LRRC4C: variants seen among roughly 807,000 people sequenced by gnomAD.
LRRC4C encodes the protein leucine-rich repeat-containing protein 4C.
In LRRC4C, 5 loss-of-function variants were observed where a neutral mutation model predicts 33.6. The ratio of observed to expected loss-of-function variants is 0.15; its 90% CI spans 0.08 to 0.31. The LOEUF (loss-of-function observed/expected upper bound fraction) is 0.31, where lower values mean the gene tolerates loss of function less well. Among genes scored for constraint, LRRC4C ranks in the 10% least tolerant of loss-of-function variants. The pLI is 1.00. For synonymous variants in LRRC4C, 329 were observed against 302.0 expected, an observed-to-expected ratio of 1.09 and a Z score of -0.93; for missense variants, 560 against 796.7, an observed-to-expected ratio of 0.70 and a Z score of 3.58.
At chr11:40,343,544 G>T (rs1045971545) in intron 3 of LRRC4C, among the ~76,000 whole-genome samples, 5 of 151,692 alleles carry the variant, frequency 3.3e-5, no homozygotes, top group African/African-American at 1.2e-4. Flanking sequence ...GGTGTCCATT[G>T]TTCCCCTCTT....
At chr11:40,339,336 A>G (rs1946765215) in intron 3 of LRRC4C, among the ~76,000 whole-genome samples, 1 of 152,200 alleles carries the variant, frequency 6.6e-6, no homozygotes, top group Non-Finnish European at 1.5e-5. Context: ...TAGAATAAAA[A>G]AACACCTCGA....
intron 1 of LRRC4C, among the ~76,000 whole-genome samples, chr11:41,295,124 C>T (rs1048782911): frequency 2.1e-4 from 32 of 152,134 alleles, no homozygotes; most frequent in African/African-American, 7.5e-4. Context: ...GGAAATAAAG[C>T]ATTGCAGCCT....
intron 1 of LRRC4C, among the ~76,000 whole-genome samples, chr11:41,150,770 CAAAA>C: frequency 7.3e-6 from 1 of 137,584 alleles, no homozygotes; most frequent in African/African-American, 2.7e-5. Context: ...GACTCCATCT[CAAAA>C]TAAATAAATA....
chr11:40,857,689 T>C (rs1591907996), intron 2 of LRRC4C, among the ~76,000 whole-genome samples: 1 of 152,044 alleles, frequency 6.6e-6, no homozygotes, highest in South Asian at 2.1e-4. Flanking sequence ...CCGAGGCAGG[T>C]AGATTACTTG....
chr11:41,216,535 G>A (rs1947071864), intron 1 of LRRC4C, among the ~76,000 whole-genome samples: 1 of 151,624 alleles, frequency 6.6e-6, no homozygotes. Flanking sequence ...AGCCCAGTGT[G>A]TGAAAATCCA....
chr11:40,752,070 T>C (rs1213433586), intron 2 of LRRC4C, among the ~76,000 whole-genome samples: 2 of 152,068 alleles, frequency 1.3e-5, no homozygotes, highest in African/African-American at 4.8e-5. Context: ...GAAACTGGGC[T>C]CCTATCTCTC....
chr11:41,379,665 G>C (rs1204487078), intron 1 of LRRC4C, among the ~76,000 whole-genome samples: 1 of 151,976 alleles, frequency 6.6e-6, no homozygotes, highest in Non-Finnish European at 1.5e-5. Context: ...AACTTGATAG[G>C]ATTCATGGCC....
intron 1 of LRRC4C, among the ~76,000 whole-genome samples, chr11:41,432,995 G>A (rs1955294695): frequency 6.6e-6 from 1 of 152,070 alleles, no homozygotes; most frequent in Admixed American, 6.6e-5. Context: ...TAGAGACAAA[G>A]GTGTTTGGGC....
rs1858487748 is a variant in LRRC4C, at chr11:40,154,299, A to AAAAC, written c.-95-13447_-95-13446insGTTT. Among the ~76,000 whole-genome samples, 15 of 151,724 alleles carry AAAAC rather than the reference A, an allele frequency of 9.9e-5. No homozygotes were observed. In the South Asian group the frequency reaches 2.7e-3, roughly 27 times the overall value. On this transcript the variant is annotated intron_variant, in intron 5 of 6. Transcript: ENST00000528697. ...ACAAGCTAAAAAGCAAAAAAAAAAA[A>AAAAC]AAAACAAAAAGCAAAGTACACAGGC...
chr11:41,174,120 A>G (rs1386404), intron 1 of LRRC4C, among the ~76,000 whole-genome samples: 25,335 of 151,904 alleles, frequency 0.17, 2,686 homozygotes, highest in East Asian at 0.37. Flanking sequence ...AGGCACAGGA[A>G]AAAAAAATAG....
intron 3 of LRRC4C, among the ~76,000 whole-genome samples, chr11:40,384,042 T>C (rs1949006580): frequency 6.6e-6 from 1 of 151,444 alleles, no homozygotes; most frequent in Non-Finnish European, 1.5e-5. Context: ...TCCCATTATC[T>C]AGGTTGCCTT....
intron 3 of LRRC4C, among the ~76,000 whole-genome samples, chr11:40,602,066 G>A (rs919140649): frequency 1.7e-4 from 25 of 151,508 alleles, no homozygotes; most frequent in Admixed American, 8.5e-4. Flanking sequence ...GTGGTGGCGC[G>A]TGCCTCTAAT....
intron 1 of LRRC4C, among the ~76,000 whole-genome samples, chr11:41,073,075 T>C (rs901703934): frequency 2.0e-5 from 3 of 152,184 alleles, no homozygotes; most frequent in African/African-American, 7.2e-5. Flanking sequence ...AACCTGTGCA[T>C]CACCTTTTAG....
chr11:40,358,207 A>C (rs1043887976), intron 3 of LRRC4C, among the ~76,000 whole-genome samples: 9 of 141,308 alleles, frequency 6.4e-5, no homozygotes, highest in Admixed American at 1.4e-4. Context: ...AAATAACAAA[A>C]AACAACAACA....
At chr11:41,036,901 T>A (rs940642408) in intron 1 of LRRC4C, among the ~76,000 whole-genome samples, 1 of 152,210 alleles carries the variant, frequency 6.6e-6, no homozygotes, top group Non-Finnish European at 1.5e-5. Flanking sequence ...AGAATTCAAT[T>A]GCACATTTAT....
rs184943474 is a variant in LRRC4C, at chr11:40,698,696, T to C, written c.-406-50418A>G. On this transcript the variant is annotated intron_variant, in intron 2 of 6. Coordinates refer to ENST00000528697, the MANE Select transcript of LRRC4C (RefSeq NM_001258419.2). ...TAAAGACATACCCAAGACTGGGCAA[T>C]GTATGAAGAAAAAGAGGTTTAATAA... Among the ~76,000 whole-genome samples the C allele has an allele frequency of 1.1e-3, 161 of 152,202 alleles. 4 individuals carry two copies. In the East Asian group the frequency reaches 0.026, roughly 25 times the overall value.
chr11:40,271,858 A>G (rs903912224), intron 4 of LRRC4C, among the ~76,000 whole-genome samples: 5 of 152,152 alleles, frequency 3.3e-5, no homozygotes, highest in African/African-American at 9.7e-5. Flanking sequence ...ATCATGTCCT[A>G]TGATTTTCAC....
At chr11:40,496,676 C>T (rs990909981) in intron 3 of LRRC4C, among the ~76,000 whole-genome samples, 8 of 152,100 alleles carry the variant, frequency 5.3e-5, no homozygotes, top group African/African-American at 9.6e-5. Context: ...TCACATTCAG[C>T]GGTGACAGAA....
intron 2 of LRRC4C, among the ~76,000 whole-genome samples, chr11:40,671,865 C>T (rs1204384529): frequency 6.6e-6 from 1 of 151,948 alleles, no homozygotes. Context: ...TGTACTTATT[C>T]CTATTCTAGA....
Sources: gnomAD v4.1 joint callset for allele counts (sites outside exome capture counted in the v4.1 genomes callset) on GRCh38, gnomAD v4.1.1 for gene constraint, MANE v1.5 for transcripts, NCBI Gene and HGNC (gene_info 2026-07-23, HGNC 2026-07-21) for gene names.